The following ST18 variants were observed in gnomAD, a reference collection of about 807,000 sequenced individuals.
The protein encoded by ST18 is suppression of tumorigenicity 18 protein.
In ST18, 50 loss-of-function variants were observed where a neutral mutation model predicts 110.0. The observed-to-expected ratio is 0.45, with a 90% confidence interval of 0.36 to 0.58. The LOEUF (loss-of-function observed/expected upper bound fraction) is 0.58. Among genes scored for constraint, ST18 ranks in the 20% least tolerant of loss-of-function variants. The probability of loss-of-function intolerance (pLI) is 0.00; values close to 1 mark genes in which losing one functional copy is unlikely to be tolerated. For missense variants in ST18, 1,306 were observed against 1,280.1 expected, an observed-to-expected ratio of 1.02 and a Z score of -0.31; for synonymous variants, 461 against 452.4, an observed-to-expected ratio of 1.02 and a Z score of -0.24.
chr8:52,168,451 T>C (rs1309095710), intron 10 of ST18, among the ~76,000 whole-genome samples: 1 of 151,958 alleles, frequency 6.6e-6, no homozygotes, highest in Non-Finnish European at 1.5e-5. Context: ...TGCCATACCA[T>C]GGCACCCCAG....
At chr8:52,405,144 C>T (rs1257540533) in intron 2 of ST18, 1 of 152,194 alleles carries the variant, frequency 6.6e-6, no homozygotes, top group Admixed American at 6.5e-5. Flanking sequence ...AAGACTGATT[C>T]TCTATTATAC....
chr8:52,202,613 A>G (rs796290689), intron 8 of ST18, among the ~76,000 whole-genome samples: 61 of 152,312 alleles, frequency 4.0e-4, no homozygotes, highest in African/African-American at 1.4e-3. Context: ...AATGGGAAAA[A>G]ATCTTAGTCT....
chr8:52,281,257 C>A (rs117815690), intron 2 of ST18, among the ~76,000 whole-genome samples: 1 of 151,726 alleles, frequency 6.6e-6, no homozygotes, highest in African/African-American at 2.4e-5. Flanking sequence ...AGTTAAACAG[C>A]CAGTTTAAGA....
chr8:52,214,195 T>C lies in ST18; in HGVS notation c.55+8A>G, dbSNP rs770398340. On this transcript the variant is annotated splice_region_variant and intron_variant, in intron 7 of 25. Coordinates refer to ENST00000689386, the MANE Select transcript of ST18 (RefSeq NM_001352837.2). ...GCATAGTGTCATAGAACCTGCTTGCTAACTCACCCTCGGTTCCTTTAGAGC... is the reference window on the plus strand; with the variant it reads ...GCATAGTGTCATAGAACCTGCTTGCCAACTCACCCTCGGTTCCTTTAGAGC... 2 of 1,613,972 alleles carry C rather than the reference T, an allele frequency of 1.2e-6. No individual in the cohort carries two copies. Among genetic ancestry groups the C allele is most frequent in the African/African-American group, 1.3e-5 (1 of 74,930 alleles).
At chr8:52,341,293 G>A (rs899133591) in intron 2 of ST18, among the ~76,000 whole-genome samples, 1 of 152,224 alleles carries the variant, frequency 6.6e-6, no homozygotes, top group African/African-American at 2.4e-5. Context: ...CTTCCATCAG[G>A]ATGATACGGT....
At chr8:52,278,034 G>A (rs776474663) in intron 2 of ST18, among the ~76,000 whole-genome samples, 3 of 152,078 alleles carry the variant, frequency 2.0e-5, no homozygotes, top group Non-Finnish European at 4.4e-5. Context: ...TTTTTATAAA[G>A]ATACAATATA....
chr8:52,358,946 A>G (rs1824407717), intron 2 of ST18, among the ~76,000 whole-genome samples: 2 of 152,112 alleles, frequency 1.3e-5, no homozygotes, highest in Non-Finnish European at 2.9e-5. Context: ...AATATCCCTT[A>G]TGAATATACA....
chr8:52,277,985 A>G (rs920579408), intron 2 of ST18, among the ~76,000 whole-genome samples: 5 of 152,222 alleles, frequency 3.3e-5, no homozygotes, highest in African/African-American at 1.2e-4. Flanking sequence ...GGTTTTGCAT[A>G]ATATTGTATA....
At chr8:52,282,864 A>G (rs1008616622) in intron 2 of ST18, among the ~76,000 whole-genome samples, 2 of 152,034 alleles carry the variant, frequency 1.3e-5, no homozygotes, top group African/African-American at 4.8e-5. Context: ...AAGACCTTGG[A>G]TGGTAAGGAA....
chr8:52,147,950 C>T (rs779925097), intron 16 of ST18, among the ~76,000 whole-genome samples: 1 of 152,196 alleles, frequency 6.6e-6, no homozygotes, highest in Non-Finnish European at 1.5e-5. Context: ...CACTTCCTGG[C>T]TTGCTGCTTA....
rs549500649 is a variant in ST18 at position 52,113,063 on chromosome 8, A to G, written c.*135T>C. Reference sequence around the variant, plus strand: ...TTCCTTTTTATATCAGCTGGGGAAAATAAAATTAGTGCAATGTTGCAAATT... The same window carrying G: ...TTCCTTTTTATATCAGCTGGGGAAAGTAAAATTAGTGCAATGTTGCAAATT... On this transcript the variant is annotated 3_prime_UTR_variant, in exon 26 of 26. Transcript: ENST00000689386. The G allele has an allele frequency of 5.0e-6, 5 of 1,002,202 alleles. No individual in the cohort carries two copies. The South Asian group carries it at 1.2e-4, about 23-fold the overall frequency. 62.1% of individuals were successfully genotyped at this position (1,002,202 alleles called of 1,614,324 possible).
chr8:52,235,016 A>G (rs1440254630), intron 2 of ST18, among the ~76,000 whole-genome samples: 2 of 152,048 alleles, frequency 1.3e-5, no homozygotes, highest in African/African-American at 2.4e-5. Context: ...GGTTCAGTGC[A>G]TACTGCTTGG....
At chr8:52,174,848 G>T (rs938208081) in intron 9 of ST18, among the ~76,000 whole-genome samples, 5 of 152,154 alleles carry the variant, frequency 3.3e-5, no homozygotes, top group African/African-American at 1.2e-4. Context: ...CCCCTCCCAG[G>T]CTTTCACTGG....
chr8:52,367,233 G>GACACACACACACAC (rs1564591511), intron 2 of ST18, among the ~76,000 whole-genome samples: 3 of 131,214 alleles, frequency 2.3e-5, no homozygotes, highest in South Asian at 4.9e-4. Context: ...GCGGGACCCT[G>GACACACACACACAC]TCTCACACAC....
At chr8:52,167,135 C>A (rs1485406065) in intron 10 of ST18, 149 bp from the exon 11 acceptor site, 3 of 1,113,262 alleles carry the variant, frequency 2.7e-6, no homozygotes. Flanking sequence ...AGACCCTCAA[C>A]TAAGACCTGT....
At chr8:52,235,579 A>G (rs1273664259) in intron 2 of ST18, among the ~76,000 whole-genome samples, 1 of 152,222 alleles carries the variant, frequency 6.6e-6, no homozygotes, top group Admixed American at 6.5e-5. Context: ...TTAGAGATAA[A>G]ACAGTAAATA....
rs990872542 is a variant in ST18, at chr8:52,136,510, C to CT, written c.2300+79dup. 80 of 1,395,558 alleles carry CT rather than the reference C, an allele frequency of 5.7e-5. 1 individual carries two copies. The highest frequency in any genetic ancestry group is 4.0e-4 in the South Asian group (32 of 80,318). 86.4% of individuals were successfully genotyped at this position (1,395,558 alleles called of 1,614,324 possible). ...AGGACATACTGCTTGTTGCTGATCA[C>CT]TTGGGCAATGAATGGGCACTGAACG... On this transcript the variant is annotated intron_variant, in intron 19 of 25. Coordinates refer to ENST00000689386, the MANE Select transcript of ST18 (RefSeq NM_001352837.2).
chr8:52,172,022 T>A lies in ST18; in HGVS notation c.839A>T (p.Glu280Val), dbSNP rs1204666057. 2 of 1,614,196 alleles carry A rather than the reference T, an allele frequency of 1.2e-6. 1 individual carries two copies. The highest frequency in any genetic ancestry group is 1.7e-6 in the Non-Finnish European group (2 of 1,180,032). ...TACTGCCAGGCTCTCGCTATCTTCCTCCTCAACGTCAGGGAATGAGGGCTG... is the reference window on the plus strand; with the variant it reads ...TACTGCCAGGCTCTCGCTATCTTCCACCTCAACGTCAGGGAATGAGGGCTG... ...NAQPSFPDVE[E>V]EDSESLAVMT... Residue 280 changes from glutamate to valine, a missense_variant, in exon 10 of 26, where the codon GAG (glutamate) becomes GTG (valine). Glu to Val is a moderately radical substitution (Grantham distance 121). Coordinates refer to ENST00000689386, the MANE Select transcript of ST18 (RefSeq NM_001352837.2).
intron 8 of ST18, among the ~76,000 whole-genome samples, chr8:52,193,631 T>C (rs6473691): frequency 0.14 from 20,918 of 152,224 alleles, 3,001 homozygotes; most frequent in African/African-American, 0.37. Context: ...AACTGGACTG[T>C]ATTTTTAGGA....
Sources: gnomAD v4.1 joint callset for allele counts (sites outside exome capture counted in the v4.1 genomes callset) on GRCh38, gnomAD v4.1.1 for gene constraint, MANE v1.5 for transcripts, NCBI Gene and HGNC (gene_info 2026-07-23, HGNC 2026-07-21) for gene names.